PCDH15: variants seen among roughly 807,000 people sequenced by gnomAD.
PCDH15 encodes the protein protocadherin related 15.
A neutral mutation model predicts 178.5 loss-of-function variants in PCDH15; 129 were observed. The observed-to-expected ratio is 0.72, with a 90% CI of 0.63 to 0.84. The LOEUF (loss-of-function observed/expected upper bound fraction) is 0.84, where lower values mean the gene tolerates loss of function less well. Among genes scored for constraint, PCDH15 ranks in the 40% least tolerant of loss-of-function variants. The pLI is 0.00. For missense variants in PCDH15, 2,230 were observed against 2,099.9 expected, an observed-to-expected ratio of 1.06 and a Z score of -1.21; for synonymous variants, 800 against 732.0, an observed-to-expected ratio of 1.09 and a Z score of -1.50.
chr10:54,506,169 T>G (rs2137583788), intron 3 of PCDH15, among the ~76,000 whole-genome samples: 1 of 152,194 alleles, frequency 6.6e-6, no homozygotes, highest in African/African-American at 2.4e-5. Flanking sequence ...AACTTGAAAT[T>G]TTTGCGTGGA....
intron 2 of PCDH15, among the ~76,000 whole-genome samples, chr10:55,409,637 C>T (rs978873367): frequency 6.6e-6 from 1 of 151,776 alleles, no homozygotes; most frequent in African/African-American, 2.4e-5. Context: ...GCATTCAGCA[C>T]CATAAGTAGA....
In PCDH15 at chr10:54,462,778, C is replaced by G. The variant is rs1292957800; in HGVS notation, c.157+65034G>C. 2.0e-5 allele frequency among the ~76,000 whole-genome samples: 3 copies of G among 147,734 alleles called. No homozygotes were observed. The Admixed American group carries it at 2.0e-4, about 10-fold the overall frequency. ...AGTTCCTGACTTTGTGATCTGCCCA[C>G]CTCGGCCTCCCAAAGTGCTGGGATT... On this transcript the variant is annotated intron_variant, in intron 3 of 37. Coordinates refer to ENST00000644397, the MANE Select transcript of PCDH15 (RefSeq NM_001384140.1).
intron 2 of PCDH15, among the ~76,000 whole-genome samples, chr10:55,439,309 G>T (rs530941092): frequency 6.6e-6 from 1 of 152,240 alleles, no homozygotes; most frequent in African/African-American, 2.4e-5. Context: ...AGAAATCCAT[G>T]ATTTCTTTCA....
chr10:54,287,692 C>T lies in PCDH15; in HGVS notation c.876+29579G>A, dbSNP rs142218927. 4.5e-3 allele frequency among the ~76,000 whole-genome samples: 679 copies of T among 152,212 alleles called. 10 individuals carry two copies. Among genetic ancestry groups the T allele is most frequent in the African/African-American group, 0.012 (513 of 41,554 alleles). On this transcript the variant is annotated intron_variant, in intron 8 of 37. Coordinates refer to ENST00000644397, the MANE Select transcript of PCDH15 (RefSeq NM_001384140.1). ...ACAAGATGTTTATATATACTTCCTG[C>T]TGTTTAATATTCATGCAATTCTGAC...
At chr10:55,173,489 T>C (rs553832028) in intron 1 of PCDH15, among the ~76,000 whole-genome samples, 2 of 152,188 alleles carry the variant, frequency 1.3e-5, no homozygotes, top group Admixed American at 6.6e-5. Context: ...GTTAATTTCA[T>C]AGGTAAAAAT....
intron 3 of PCDH15, among the ~76,000 whole-genome samples, chr10:54,432,764 G>GA (rs1288324767): frequency 2.0e-5 from 3 of 151,850 alleles, no homozygotes; most frequent in Non-Finnish European, 4.4e-5. Context: ...CACAGCAAAG[G>GA]AAAAAATCAA....
chr10:54,241,814 C>T (rs570301922), intron 8 of PCDH15, among the ~76,000 whole-genome samples: 9 of 151,206 alleles, frequency 6.0e-5, no homozygotes, highest in South Asian at 2.1e-4. Flanking sequence ...ATCATAGAAA[C>T]GATTAAACAA....
intron 8 of PCDH15, among the ~76,000 whole-genome samples, chr10:54,295,666 G>A (rs146744209): frequency 9.2e-5 from 14 of 152,148 alleles, no homozygotes; most frequent in East Asian, 1.9e-4. Flanking sequence ...GTGAAGCTCC[G>A]CGCTTCATTC....
At chr10:54,601,982 A>G (rs61855865) in intron 2 of PCDH15, among the ~76,000 whole-genome samples, 17,664 of 151,892 alleles carry the variant, frequency 0.12, 1,236 homozygotes, top group Middle Eastern at 0.17. Context: ...GAGGCCAACC[A>G]GAAGGTGGAG....
At chr10:53,939,007 G>T in intron 24 of PCDH15, 52 bp from the exon 25 acceptor site, 3 of 1,575,938 alleles carry the variant, frequency 1.9e-6, no homozygotes, top group Non-Finnish European at 8.7e-7. Flanking sequence ...TATAAGGAAA[G>T]AAATTCTCTT....
At chr10:55,519,737 T>A (rs998796259) in intron 2 of PCDH15, among the ~76,000 whole-genome samples, 2 of 63,746 alleles carry the variant, frequency 3.1e-5, no homozygotes, top group South Asian at 1.3e-3. Context: ...TATGTGTATC[T>A]TTTTTTTTAC....
Position 54,062,257 on chromosome 10 carries a change from AAAC to A in PCDH15, c.2220+4497_2220+4499del, listed in dbSNP as rs1462832243. 1.1e-3 allele frequency among the ~76,000 whole-genome samples: 123 copies of A among 107,556 alleles called. 8 individuals carry two copies. The highest frequency in any genetic ancestry group is 2.7e-3 in the African/African-American group (84 of 30,574). The allele number at this position is 107,556 out of a possible 152,430, so 70.6% of individuals were successfully genotyped here. ...AAAAAAAAAAAAAAAAAAAAACAAA[AAAC>A]AACTAAATGAAAACTCCCTTCAGCA... On this transcript the variant is annotated intron_variant, in intron 18 of 37. Transcript: ENST00000644397.
intron 2 of PCDH15, among the ~76,000 whole-genome samples, chr10:54,581,806 A>C (rs1231296602): frequency 6.6e-6 from 1 of 152,118 alleles, no homozygotes; most frequent in Non-Finnish European, 1.5e-5. Flanking sequence ...CAAAGTTGAC[A>C]AAAGTGAACG....
intron 2 of PCDH15, among the ~76,000 whole-genome samples, chr10:55,408,923 T>A (rs1838269285): frequency 6.6e-6 from 1 of 152,132 alleles, no homozygotes. Context: ...GCATGGTGTA[T>A]CACCATCTCC....
chr10:54,104,845 C>CAAAAAAA (rs56195842), intron 15 of PCDH15, among the ~76,000 whole-genome samples: 27 of 48,632 alleles, frequency 5.6e-4, no homozygotes, highest in African/African-American at 1.1e-3. Flanking sequence ...TCAACAACAA[C>CAAAAAAA]AAAAAAAAAA....
rs145127968 is a variant in PCDH15 at position 55,440,514 on chromosome 10, G to C, written c.-156+187111C>G. ...AAGCAAAATGGTATGTTTTAATAGA[G>C]AAAAACACTGAGGCCAATAAATATG... On this transcript the variant is annotated intron_variant, in intron 2 of 5. Transcript: ENST00000613346. 1.6e-4 allele frequency among the ~76,000 whole-genome samples: 25 copies of C among 152,222 alleles called. No homozygotes were observed. In the East Asian group the frequency reaches 4.4e-3, roughly 27 times the overall value.
intron 1 of PCDH15, among the ~76,000 whole-genome samples, chr10:54,668,889 C>T (rs1206621849): frequency 6.6e-6 from 1 of 152,112 alleles, no homozygotes; most frequent in Non-Finnish European, 1.5e-5. Flanking sequence ...ATGCAGTCTG[C>T]CCTTCAACAG....
At chr10:55,364,905 T>G (rs1408151777) in intron 2 of PCDH15, among the ~76,000 whole-genome samples, 2 of 152,090 alleles carry the variant, frequency 1.3e-5, no homozygotes, top group Non-Finnish European at 2.9e-5. Flanking sequence ...ATACAAAATA[T>G]ACAATTTTTT....
chr10:55,328,191 A>G (rs1231143196), intron 2 of PCDH15, among the ~76,000 whole-genome samples: 1 of 151,670 alleles, frequency 6.6e-6, no homozygotes, highest in African/African-American at 2.4e-5. Context: ...ATACACACAT[A>G]CACACTACAC....
Sources: allele counts gnomAD v4.1 joint callset (sites outside exome capture counted in the v4.1 genomes callset), GRCh38; gene constraint gnomAD v4.1.1; transcripts MANE v1.5; gene names NCBI Gene and HGNC (gene_info 2026-07-23, HGNC 2026-07-21).